CSMD3: variants seen among roughly 807,000 people sequenced by gnomAD.
CSMD3 encodes the protein CUB and Sushi multiple domains 3.
In CSMD3, 177 loss-of-function variants were observed where a neutral mutation model predicts 435.2. The observed-to-expected ratio is 0.41, with a 90% CI of 0.36 to 0.46. CSMD3 has a LOEUF of 0.46. Ranked by LOEUF, CSMD3 falls within the 20% of genes least tolerant of loss-of-function variation. The pLI is 0.34. For synonymous variants in CSMD3, 1,656 were observed against 1,520.5 expected (o/e 1.09, Z -2.07); for missense variants, 4,265 against 4,504.6 (o/e 0.95, Z 1.52).
At chr8:112,319,476 G>T (rs1486630226) in intron 46 of CSMD3, among the ~76,000 whole-genome samples, 1 of 152,104 alleles carries the variant, frequency 6.6e-6, no homozygotes, top group African/African-American at 2.4e-5. Flanking sequence ...TGATTAAATT[G>T]AGTAGAATCA....
At chr8:112,596,972 C>T (rs923274635) in intron 22 of CSMD3, among the ~76,000 whole-genome samples, 17 of 152,092 alleles carry the variant, frequency 1.1e-4, no homozygotes, top group African/African-American at 2.7e-4. Context: ...AAAGCAAGAG[C>T]AAACACATTC....
chr8:112,542,504 T>A (rs1826774612), intron 27 of CSMD3, among the ~76,000 whole-genome samples: 1 of 152,056 alleles, frequency 6.6e-6, no homozygotes, highest in African/African-American at 2.4e-5. Context: ...ATTGTGTTTC[T>A]ATATACACTA....
chr8:112,639,828 C>A (rs2074770040), intron 20 of CSMD3, among the ~76,000 whole-genome samples: 1 of 151,992 alleles, frequency 6.6e-6, no homozygotes. Context: ...TTTACCTGTT[C>A]AACTGTTGAT....
At chr8:112,349,748 T>C (rs1339049973) in intron 40 of CSMD3, among the ~76,000 whole-genome samples, 1 of 152,144 alleles carries the variant, frequency 6.6e-6, no homozygotes, top group Non-Finnish European at 1.5e-5. Flanking sequence ...AAAAAAATCA[T>C]CCAATTTAAA....
intron 10 of CSMD3, among the ~76,000 whole-genome samples, chr8:112,906,840 T>C (rs1176830343): frequency 6.6e-6 from 1 of 151,548 alleles, no homozygotes; most frequent in Admixed American, 6.6e-5. Flanking sequence ...ATTACAACCA[T>C]AGGGTTTGCA....
rs560465550 is a variant in CSMD3, at chr8:112,916,846, T to C, written c.1633+4781A>G. 2.0e-5 allele frequency among the ~76,000 whole-genome samples: 3 copies of C among 152,100 alleles called. No individual in the cohort carries two copies. In the South Asian group the frequency reaches 6.2e-4, roughly 31 times the overall value. On this transcript the variant is annotated intron_variant, in intron 10 of 70. Coordinates refer to ENST00000297405, the MANE Select transcript of CSMD3 (RefSeq NM_198123.2). ...TTAAACTATTATAGCAGCTACTGTA[T>C]GTATAAAAATATGGGTGCAGTGGGT...
At chr8:112,238,505 A>G (rs1270382050) in intron 66 of CSMD3, among the ~76,000 whole-genome samples, 1 of 152,006 alleles carries the variant, frequency 6.6e-6, no homozygotes, top group African/African-American at 2.4e-5. Flanking sequence ...GATAATTTAT[A>G]AGCAATATAG....
chr8:112,879,508 T>A (rs1813415), intron 10 of CSMD3, among the ~76,000 whole-genome samples: 1 of 151,938 alleles, frequency 6.6e-6, no homozygotes, highest in Non-Finnish European at 1.5e-5. Flanking sequence ...TGATATTTTA[T>A]TGCCTTTGAA....
At chr8:113,203,279 T>C (rs1363112445) in intron 3 of CSMD3, among the ~76,000 whole-genome samples, 1 of 152,088 alleles carries the variant, frequency 6.6e-6, no homozygotes, top group African/African-American at 2.4e-5. Context: ...TTAAAATGTG[T>C]TTTTATAATT....
intron 13 of CSMD3, among the ~76,000 whole-genome samples, chr8:112,695,224 A>C (rs2076225102): frequency 6.6e-6 from 1 of 152,180 alleles, no homozygotes; most frequent in South Asian, 2.1e-4. Flanking sequence ...TTCTTTTTTC[A>C]AGATGTATAA....
chr8:113,114,398 G>T (rs2090760324), intron 4 of CSMD3, among the ~76,000 whole-genome samples: 1 of 152,158 alleles, frequency 6.6e-6, no homozygotes, highest in Non-Finnish European at 1.5e-5. Flanking sequence ...TTACTGTTAG[G>T]AAGAGATAAT....
intron 58 of CSMD3, 74 bp downstream of exon 58, chr8:112,286,990 G>T (rs2130631269): frequency 8.4e-7 from 1 of 1,192,344 alleles, no homozygotes; most frequent in Non-Finnish European, 1.3e-6. Flanking sequence ...AATTTTCCTA[G>T]TAGTACTCAT....
intron 13 of CSMD3, among the ~76,000 whole-genome samples, chr8:112,787,874 T>G (rs1377120941): frequency 6.6e-6 from 1 of 152,144 alleles, no homozygotes. Context: ...TAAGATCTTG[T>G]ATTTAATAGC....
At chr8:112,707,648 G>C (rs1435969397) in intron 13 of CSMD3, among the ~76,000 whole-genome samples, 1 of 151,984 alleles carries the variant, frequency 6.6e-6, no homozygotes, top group Non-Finnish European at 1.5e-5. Flanking sequence ...GGGTTGTTTT[G>C]AAAACTACTT....
chr8:112,589,755 G>A (rs1446055897), intron 22 of CSMD3, among the ~76,000 whole-genome samples: 1 of 152,104 alleles, frequency 6.6e-6, no homozygotes, highest in Non-Finnish European at 1.5e-5. Flanking sequence ...ATACAAGGAA[G>A]ACAAGGGCAT....
chr8:112,719,502 A>T (rs2131961091), intron 13 of CSMD3, among the ~76,000 whole-genome samples: 1 of 152,254 alleles, frequency 6.6e-6, no homozygotes, highest in Middle Eastern at 3.4e-3. Flanking sequence ...CTCTTTTTCT[A>T]GCTCACAGTT....
At chr8:113,435,466 C>G (rs1236836877) in intron 1 of CSMD3, among the ~76,000 whole-genome samples, 1 of 152,108 alleles carries the variant, frequency 6.6e-6, no homozygotes, top group Non-Finnish European at 1.5e-5. Context: ...GGGGGACAGC[C>G]AGCTGCAAGC....
At chr8:112,260,245 C>G (rs1249254854) in intron 61 of CSMD3, among the ~76,000 whole-genome samples, 1 of 152,166 alleles carries the variant, frequency 6.6e-6, no homozygotes, top group East Asian at 1.9e-4. Context: ...TATACCTTCT[C>G]TGAACTTCAA....
chr8:112,927,743 T>C (rs1275201352), intron 9 of CSMD3, among the ~76,000 whole-genome samples: 1 of 152,132 alleles, frequency 6.6e-6, no homozygotes, highest in African/African-American at 2.4e-5. Context: ...CCTATTTCCT[T>C]GACCTTATAA....
Sources: gnomAD v4.1 joint callset for allele counts (sites outside exome capture counted in the v4.1 genomes callset) on GRCh38, gnomAD v4.1.1 for gene constraint, MANE v1.5 for transcripts, NCBI Gene and HGNC (gene_info 2026-07-23, HGNC 2026-07-21) for gene names.